Variants in TMEM154 observed in about 807,000 individuals in gnomAD.
TMEM154 encodes the protein transmembrane protein 154.
In TMEM154, 27 loss-of-function variants were observed where a neutral mutation model predicts 24.5. The ratio of observed to expected loss-of-function variants is 1.10; its 90% CI spans 0.81 to 1.52. The LOEUF is 1.52. Among genes scored for constraint, TMEM154 ranks in the 40% most tolerant of loss-of-function variants. The pLI, the probability that TMEM154 is intolerant of heterozygous loss-of-function variation, is 0.00. For missense variants in TMEM154, 228 were observed against 213.4 expected (o/e 1.07, Z -0.43); for synonymous variants, 67 against 76.8 (o/e 0.87, Z 0.67).
intron 6 of TMEM154, among the ~76,000 whole-genome samples, chr4:152,633,381 G>C (rs1752087609): frequency 6.6e-6 from 1 of 152,198 alleles, no homozygotes; most frequent in Admixed American, 6.5e-5. Context: ...TGCCACTTGT[G>C]CCTGGAGGCA....
rs764908229 is a variant in TMEM154 at position 152,664,374 on chromosome 4, T to TG, written c.65-11448dup. Among the ~76,000 whole-genome samples the TG allele has an allele frequency of 5.0e-3, 487 of 98,246 alleles. 4 individuals are homozygous for TG. The highest frequency in any genetic ancestry group is 0.028 in the Middle Eastern group (6 of 214). The allele number at this position is 98,246 out of a possible 152,430, so 64.5% of individuals were successfully genotyped here. On this transcript the variant is annotated intron_variant, in intron 1 of 6. Transcript: ENST00000304385. ...GAACAACACACACTGGGGCCTGTCGTGGCGGGGGGGTACAAGGGGAGGGAG... is the reference window on the plus strand; with the variant it reads ...GAACAACACACACTGGGGCCTGTCGTGGGCGGGGGGGTACAAGGGGAGGGAG...
At chr4:152,630,348 G>A (rs951505435) in intron 6 of TMEM154, among the ~76,000 whole-genome samples, 2 of 139,234 alleles carry the variant, frequency 1.4e-5, no homozygotes, top group African/African-American at 2.6e-5. Context: ...ATATCAAAAC[G>A]TATTTCAAAT....
At chr4:152,646,863 T>A in intron 3 of TMEM154, 1 of 682,040 alleles carries the variant, frequency 1.5e-6, no homozygotes, top group Non-Finnish European at 2.7e-6. Context: ...TCCAGAAGAT[T>A]TACTGAGTAA....
rs1751877739 is a variant in TMEM154 at position 152,623,951 on chromosome 4, A to G, written c.*4595T>C. ...TTCATAAAAGTCCAGTTACTTATTT[A>G]CAAAATACTAAAGGCCAATGATAAG... On this transcript the variant is annotated 3_prime_UTR_variant, in exon 7 of 7. Coordinates refer to ENST00000304385, the MANE Select transcript of TMEM154 (RefSeq NM_152680.3). 1 of 152,034 alleles carries G rather than the reference A, an allele frequency of 6.6e-6. No individual in the cohort carries two copies. The highest frequency in any genetic ancestry group is 2.1e-4 in the South Asian group (1 of 4,822). The allele number at this position is 152,034 out of a possible 1,614,324, so 9.4% of individuals were successfully genotyped here. A position where few individuals can be genotyped will look rare whatever the true frequency, so the allele number is the denominator to read the frequency against.
Position 152,626,353 on chromosome 4 carries a change from T to C in TMEM154, c.*2193A>G, listed in dbSNP as rs2149775935. The C allele has an allele frequency of 6.5e-6, 1 of 152,698 alleles. No individual in the cohort carries two copies. Among genetic ancestry groups the C allele is most frequent in the South Asian group, 2.1e-4 (1 of 4,828 alleles). The allele number at this position is 152,698 out of a possible 1,614,324, so 9.5% of individuals were successfully genotyped here. ...TCTGAAACATAAAATTAAGTTTGGG[T>C]TTAAAAACAATTCTTGAAACTGTCA... On this transcript the variant is annotated 3_prime_UTR_variant, in exon 7 of 7. Transcript: ENST00000304385.
chr4:152,657,404 C>G (rs889306442), intron 1 of TMEM154, among the ~76,000 whole-genome samples: 1 of 152,096 alleles, frequency 6.6e-6, no homozygotes, highest in Non-Finnish European at 1.5e-5. Context: ...AACCCAGCTA[C>G]TCAGGAGGCT....
At chr4:152,635,096 G>C (rs896167261) in intron 6 of TMEM154, among the ~76,000 whole-genome samples, 2 of 152,108 alleles carry the variant, frequency 1.3e-5, no homozygotes, top group Non-Finnish European at 2.9e-5. Context: ...ATTAGAAGTG[G>C]TCACAAAGAT....
intron 1 of TMEM154, among the ~76,000 whole-genome samples, chr4:152,656,435 C>T (rs1057458739): frequency 8.5e-5 from 13 of 152,280 alleles, no homozygotes; most frequent in East Asian, 1.9e-4. Flanking sequence ...TACTTCACCA[C>T]AGCCTCCACT....
intron 3 of TMEM154, among the ~76,000 whole-genome samples, chr4:152,651,704 T>C (rs1426258920): frequency 3.9e-5 from 6 of 152,250 alleles, no homozygotes; most frequent in Non-Finnish European, 8.8e-5. Flanking sequence ...CCTATCATTG[T>C]ATGTTCACTG....
chr4:152,661,288 C>CTCTT lies in TMEM154; in HGVS notation c.65-8362_65-8361insAAGA, dbSNP rs1554013024. Among the ~76,000 whole-genome samples, 7 of 37,712 alleles carry CTCTT rather than the reference C, an allele frequency of 1.9e-4. No individual in the cohort carries two copies. In the East Asian group the frequency reaches 2.7e-3, roughly 15 times the overall value. The allele number at this position is 37,712 out of a possible 152,430, so 24.7% of individuals were successfully genotyped here. On this transcript the variant is annotated intron_variant, in intron 1 of 6. Transcript: ENST00000304385. Reference sequence around the variant, plus strand: ...AGAATCAAGGGATTGTTCTCTTTCTCTCTCTCTCTCTCTCTCTCTCTCTCT... The same window carrying CTCTT: ...AGAATCAAGGGATTGTTCTCTTTCTCTCTTTCTCTCTCTCTCTCTCTCTCTCTCT...
chr4:152,628,401 G>T lies in TMEM154; in HGVS notation c.*145C>A. 1 of 1,306,564 alleles carries T rather than the reference G, an allele frequency of 7.7e-7. No individual in the cohort carries two copies. The highest frequency in any genetic ancestry group is 1.1e-6 in the Non-Finnish European group (1 of 917,982). 80.9% of individuals were successfully genotyped at this position (1,306,564 alleles called of 1,614,324 possible). A position where few individuals can be genotyped will look rare whatever the true frequency, so the allele number is the denominator to read the frequency against. On this transcript the variant is annotated 3_prime_UTR_variant, in exon 7 of 7. Transcript: ENST00000304385. ...AAGTGATGCCATCATTAGGAAGAGT[G>T]GGCGTTGGAAGAAACAGCAAAAGGT...
chr4:152,657,315 G>A (rs914012291), intron 1 of TMEM154, among the ~76,000 whole-genome samples: 2 of 151,434 alleles, frequency 1.3e-5, no homozygotes, highest in Non-Finnish European at 2.9e-5. Flanking sequence ...TGAGTTCAAG[G>A]CCAGACTGGG....
At chr4:152,673,798 A>G (rs1728900808) in intron 1 of TMEM154, among the ~76,000 whole-genome samples, 1 of 152,140 alleles carries the variant, frequency 6.6e-6, no homozygotes, top group Non-Finnish European at 1.5e-5. Flanking sequence ...GTTGATAGAC[A>G]TTTAGGTTGC....
At chr4:152,628,680 A>G in intron 6 of TMEM154, 119 bp from the exon 7 acceptor site, 1 of 1,245,024 alleles carries the variant, frequency 8.0e-7, no homozygotes, top group South Asian at 1.8e-5. Context: ...TCCGTCGCCC[A>G]GGCTGGAGCG....
At chr4:152,640,372 G>A (rs956965585) in intron 6 of TMEM154, among the ~76,000 whole-genome samples, 5 of 152,074 alleles carry the variant, frequency 3.3e-5, no homozygotes, top group Non-Finnish European at 5.9e-5. Context: ...CACCCCAAAT[G>A]TGGTCATTTC....
At chr4:152,628,610 C>CAAAAA in intron 6 of TMEM154, 49 bp from the exon 7 acceptor site, 1 of 1,186,992 alleles carries the variant, frequency 8.4e-7, no homozygotes, top group East Asian at 4.7e-5. Flanking sequence ...AACACACACA[C>CAAAAA]ACACACAAAA....
chr4:152,633,244 C>T (rs535897330), intron 6 of TMEM154, among the ~76,000 whole-genome samples: 1 of 152,202 alleles, frequency 6.6e-6, no homozygotes, highest in Non-Finnish European at 1.5e-5. Context: ...CCGTGAGCAA[C>T]GGACAAAGCT....
chr4:152,630,415 C>G (rs374394525), intron 6 of TMEM154, among the ~76,000 whole-genome samples: 3 of 152,014 alleles, frequency 2.0e-5, no homozygotes, highest in African/African-American at 7.2e-5. Flanking sequence ...ATGACAACCC[C>G]TTTCACTTAT....
At chr4:152,640,809 TA>T in intron 6 of TMEM154, 118 bp downstream of exon 6, 1 of 830,698 alleles carries the variant, frequency 1.2e-6, no homozygotes, top group Non-Finnish European at 1.9e-6. Context: ...TCCAGCCGCG[TA>T]AATGATCTCA....
Sources: gnomAD v4.1 joint callset for allele counts (sites outside exome capture counted in the v4.1 genomes callset) on GRCh38, gnomAD v4.1.1 for gene constraint, MANE v1.5 for transcripts, NCBI Gene and HGNC (gene_info 2026-07-23, HGNC 2026-07-21) for gene names.